The following ATP8A2 variants were observed in gnomAD, a reference collection of about 807,000 sequenced individuals.
ATP8A2 encodes the protein ATPase phospholipid transporting 8A2.
In ATP8A2, 100 loss-of-function variants were observed where a neutral mutation model predicts 165.6. The ratio of observed to expected loss-of-function variants is 0.60; its 90% CI spans 0.51 to 0.71. The LOEUF is 0.71. Among genes scored for constraint, ATP8A2 ranks in the 30% least tolerant of loss-of-function variants. The pLI, the probability that ATP8A2 is intolerant of heterozygous loss-of-function variation, is 0.00. For missense variants in ATP8A2, 1,227 were observed against 1,479.5 expected, an observed-to-expected ratio of 0.83 and a Z score of 2.80; for synonymous variants, 543 against 548.8, an observed-to-expected ratio of 0.99 and a Z score of 0.15.
intron 27 of ATP8A2, among the ~76,000 whole-genome samples, chr13:25,795,893 T>G (rs1199064116): frequency 2.0e-5 from 3 of 152,102 alleles, no homozygotes; most frequent in African/African-American, 7.2e-5. Context: ...TTTTTTACAT[T>G]TATCTGTGAG....
At chr13:25,738,118 G>A (rs1009357529) in intron 25 of ATP8A2, among the ~76,000 whole-genome samples, 2 of 152,196 alleles carry the variant, frequency 1.3e-5, no homozygotes, top group Non-Finnish European at 2.9e-5. Context: ...GGTTGCAGAA[G>A]TGCTATTTTC....
At chr13:25,718,780 GT>G (rs2043309345) in intron 25 of ATP8A2, among the ~76,000 whole-genome samples, 1 of 152,220 alleles carries the variant, frequency 6.6e-6, no homozygotes, top group African/African-American at 2.4e-5. Flanking sequence ...TTAGTTAGAA[GT>G]AAAGGCTTAC....
intron 24 of ATP8A2, among the ~76,000 whole-genome samples, chr13:25,660,405 C>T (rs542499455): frequency 3.4e-4 from 51 of 152,230 alleles, no homozygotes; most frequent in Non-Finnish European, 6.6e-4. Context: ...GGGTGGTACC[C>T]GGGCTGATGT....
At chr13:25,393,819 C>T (rs1176984060) in intron 1 of ATP8A2, among the ~76,000 whole-genome samples, 1 of 152,172 alleles carries the variant, frequency 6.6e-6, no homozygotes, top group African/African-American at 2.4e-5. Context: ...ATGCTCAGTA[C>T]ACATTTATTG....
At chr13:25,703,494 A>G (rs1421927928) in intron 25 of ATP8A2, among the ~76,000 whole-genome samples, 1 of 152,188 alleles carries the variant, frequency 6.6e-6, no homozygotes, top group African/African-American at 2.4e-5. Context: ...CAGGCACTCA[A>G]ACAAATACTT....
chr13:25,971,006 G>T (rs1268253139), intron 35 of ATP8A2, among the ~76,000 whole-genome samples: 1 of 152,152 alleles, frequency 6.6e-6, no homozygotes, highest in Non-Finnish European at 1.5e-5. Flanking sequence ...GATGGGGTGT[G>T]TGTGTGTGTT....
At chr13:25,903,735 G>C (rs1452056194) in intron 33 of ATP8A2, among the ~76,000 whole-genome samples, 1 of 151,986 alleles carries the variant, frequency 6.6e-6, no homozygotes, top group Non-Finnish European at 1.5e-5. Context: ...CCTCAGCACT[G>C]CCCTCCTCAG....
intron 1 of ATP8A2, among the ~76,000 whole-genome samples, chr13:25,416,877 A>G (rs899444870): frequency 2.0e-5 from 3 of 152,198 alleles, no homozygotes; most frequent in Admixed American, 6.5e-5. Context: ...GGTTGAAAAT[A>G]CTGAGGCATA....
At chr13:25,661,907 A>T (rs2042059050) in intron 24 of ATP8A2, among the ~76,000 whole-genome samples, 1 of 152,226 alleles carries the variant, frequency 6.6e-6, no homozygotes, top group South Asian at 2.1e-4. Flanking sequence ...GAAATCATTC[A>T]TTTAGAGATG....
chr13:25,772,763 A>AT (rs1007993940), intron 26 of ATP8A2, among the ~76,000 whole-genome samples: 2 of 148,878 alleles, frequency 1.3e-5, no homozygotes, highest in African/African-American at 4.9e-5. Context: ...TTTATTTATT[A>AT]TTTTTTTTAT....
chr13:25,791,528 A>AACACACAC (rs67701751), intron 27 of ATP8A2, among the ~76,000 whole-genome samples: 19 of 102,094 alleles, frequency 1.9e-4, no homozygotes, highest in Middle Eastern at 4.8e-3. Context: ...CCCGAACTTA[A>AACACACAC]ACACACACAC....
chr13:25,792,103 A>G (rs2045194883), intron 27 of ATP8A2, among the ~76,000 whole-genome samples: 1 of 152,218 alleles, frequency 6.6e-6, no homozygotes, highest in African/African-American at 2.4e-5. Context: ...CATTTTAAGA[A>G]CCAGAAAAGG....
intron 1 of ATP8A2, among the ~76,000 whole-genome samples, chr13:25,432,365 C>T (rs1380503197): frequency 6.6e-6 from 1 of 152,170 alleles, no homozygotes; most frequent in East Asian, 1.9e-4. Context: ...CTACAGTGCT[C>T]CCCTAGGGAA....
At chr13:25,807,039 G>A (rs1282611657) in intron 27 of ATP8A2, among the ~76,000 whole-genome samples, 2 of 151,672 alleles carry the variant, frequency 1.3e-5, no homozygotes, top group Admixed American at 1.3e-4. Context: ...TTTTATTGTT[G>A]GACTATAAGT....
At chr13:25,939,466 C>T (rs1262343807) in intron 33 of ATP8A2, among the ~76,000 whole-genome samples, 1 of 152,204 alleles carries the variant, frequency 6.6e-6, no homozygotes, top group African/African-American at 2.4e-5. Context: ...GCTCAGGCCT[C>T]TCTTCTGGTT....
At chr13:25,864,643 T>C (rs1952454931) in intron 33 of ATP8A2, among the ~76,000 whole-genome samples, 1 of 152,238 alleles carries the variant, frequency 6.6e-6, no homozygotes, top group Non-Finnish European at 1.5e-5. Flanking sequence ...AAAAGCTTAT[T>C]TTTCTTTAAA....
intron 2 of ATP8A2, among the ~76,000 whole-genome samples, chr13:25,472,672 A>G (rs1257122306): frequency 1.3e-5 from 2 of 152,312 alleles, no homozygotes; most frequent in South Asian, 2.1e-4. Flanking sequence ...GAGGCAGGGC[A>G]TGGAGAGTTT....
intron 35 of ATP8A2, among the ~76,000 whole-genome samples, chr13:25,984,417 A>G (rs978711868): frequency 6.6e-6 from 1 of 151,818 alleles, no homozygotes; most frequent in Non-Finnish European, 1.5e-5. Context: ...CAGCCTGGCC[A>G]ACGTGGTGAA....
intron 24 of ATP8A2, among the ~76,000 whole-genome samples, chr13:25,690,714 G>A (rs1442559721): frequency 6.6e-6 from 1 of 152,150 alleles, no homozygotes; most frequent in Non-Finnish European, 1.5e-5. Flanking sequence ...GAGCTCACCT[G>A]TGAGCTCACC....
Sources: allele counts gnomAD v4.1 joint callset (sites outside exome capture counted in the v4.1 genomes callset), GRCh38; gene constraint gnomAD v4.1.1; transcripts MANE v1.5; gene names NCBI Gene and HGNC (gene_info 2026-07-23, HGNC 2026-07-21).